Variants in NBAS observed in about 807,000 individuals in gnomAD.
NBAS encodes NBAS subunit of NRZ tethering complex.
In NBAS, 219 loss-of-function variants were observed where a neutral mutation model predicts 302.5. The ratio of observed to expected loss-of-function variants is 0.72; its 90% CI spans 0.65 to 0.81. The LOEUF (loss-of-function observed/expected upper bound fraction) is 0.81, where lower values mean the gene tolerates loss of function less well. NBAS is among the 30% of genes least tolerant of loss of function. The pLI is 0.00. For synonymous variants in NBAS, 1,118 were observed against 1,021.6 expected (o/e 1.09, Z -1.80); for missense variants, 2,932 against 2,841.6 (o/e 1.03, Z -0.72).
chr2:15,040,919 TC>T, the NBAS span, among the ~76,000 whole-genome samples: 4 of 152,194 alleles, frequency 2.6e-5, no homozygotes, highest in Non-Finnish European at 5.9e-5. Context: ...TTTACTTTTT[TC>T]CTCTTTCATC....
intron 8 of NBAS, among the ~76,000 whole-genome samples, chr2:15,535,642 T>C (rs1244025339): frequency 6.6e-6 from 1 of 152,122 alleles, no homozygotes; most frequent in Non-Finnish European, 1.5e-5. Context: ...TTGAATCATC[T>C]CTAGATTCCT....
the NBAS span, among the ~76,000 whole-genome samples, chr2:14,880,949 T>A: frequency 5.9e-4 from 81 of 136,538 alleles, 1 homozygote; most frequent in Admixed American, 3.8e-3. Flanking sequence ...AAAAAAAAAA[T>A]TTATTTACAA....
chr2:15,025,464 A>G, the NBAS span, among the ~76,000 whole-genome samples: 6 of 152,280 alleles, frequency 3.9e-5, no homozygotes, highest in South Asian at 4.1e-4. Flanking sequence ...TTTGTTCCAT[A>G]TGAATTTTAA....
At chr2:15,472,868 C>A (rs1680018619) in intron 16 of NBAS, among the ~76,000 whole-genome samples, 1 of 152,174 alleles carries the variant, frequency 6.6e-6, no homozygotes, top group South Asian at 2.1e-4. Flanking sequence ...AATAATTCTC[C>A]ATATTGTAAA....
At chr2:14,792,848 T>C in the NBAS span, among the ~76,000 whole-genome samples, 1 of 152,196 alleles carries the variant, frequency 6.6e-6, no homozygotes, top group East Asian at 1.9e-4. Context: ...GTTAGAATTA[T>C]CTGACTAGAG....
the NBAS span, among the ~76,000 whole-genome samples, chr2:14,972,186 A>G: frequency 1.2e-3 from 187 of 152,310 alleles, no homozygotes; most frequent in African/African-American, 4.2e-3. Flanking sequence ...CATCCTCAGA[A>G]AACTAACACA....
chr2:15,467,299 A>G, intron 19 of NBAS, 30 bp downstream of exon 19: 15 of 1,463,922 alleles, frequency 1.0e-5, no homozygotes, highest in Non-Finnish European at 1.3e-5. Flanking sequence ...TCAAATGAAC[A>G]TAATTGGTTT....
At chr2:14,797,113 AAC>A in the NBAS span, among the ~76,000 whole-genome samples, 1,140 of 136,990 alleles carry the variant, frequency 8.3e-3, 15 homozygotes, top group African/African-American at 0.03. Flanking sequence ...AAAAAAAAAA[AAC>A]CAAAAACAGA....
chr2:14,787,792 T>C, the NBAS span, among the ~76,000 whole-genome samples: 1 of 152,222 alleles, frequency 6.6e-6, no homozygotes, highest in East Asian at 1.9e-4. Context: ...ATCTGACAAT[T>C]ATGTGTCTTG....
At chr2:15,327,321 C>T (rs1312996102) in intron 38 of NBAS, among the ~76,000 whole-genome samples, 2 of 152,110 alleles carry the variant, frequency 1.3e-5, no homozygotes, top group South Asian at 2.1e-4. Flanking sequence ...AAGCTGTCTT[C>T]GGTAAACTTG....
the NBAS span, among the ~76,000 whole-genome samples, chr2:14,820,837 C>T: frequency 6.6e-6 from 1 of 152,164 alleles, no homozygotes; most frequent in Non-Finnish European, 1.5e-5. Flanking sequence ...CCACTTACAG[C>T]AGTGCTCTGT....
chr2:15,515,864 TG>T (rs1430492088), intron 9 of NBAS, among the ~76,000 whole-genome samples: 13 of 152,070 alleles, frequency 8.5e-5, no homozygotes, highest in Non-Finnish European at 1.6e-4. Flanking sequence ...GGCTGTGAAT[TG>T]AAAGTCCACA....
At position 15,363,948 on chromosome 2, in the gene NBAS, C is replaced by A. The variant is rs1433515985; in HGVS notation, c.3817+2632G>T. 2.0e-5 allele frequency among the ~76,000 whole-genome samples: 3 copies of A among 152,256 alleles called. No individual in the cohort carries two copies. In the East Asian group the frequency reaches 5.8e-4, roughly 29 times the overall value. ...CTCTTTGCTTTCTTGTGAATCAGATCGCTCTAGGAGAAACCAGCTGCCGTG... is the reference window on the plus strand; with the variant it reads ...CTCTTTGCTTTCTTGTGAATCAGATAGCTCTAGGAGAAACCAGCTGCCGTG... On this transcript the variant is annotated intron_variant, in intron 32 of 51. Coordinates refer to ENST00000281513, the MANE Select transcript of NBAS (RefSeq NM_015909.4).
the NBAS span, among the ~76,000 whole-genome samples, chr2:15,077,163 G>T: frequency 6.6e-5 from 10 of 152,184 alleles, no homozygotes; most frequent in Non-Finnish European, 1.3e-4. Context: ...ATGGCGGAAG[G>T]TGAAGAGGAA....
chr2:15,011,313 C>T, the NBAS span, among the ~76,000 whole-genome samples: 21 of 152,114 alleles, frequency 1.4e-4, no homozygotes, highest in Non-Finnish European at 2.6e-4. Flanking sequence ...AAATGCCAGT[C>T]ACTATCCACC....
In NBAS at chr2:15,167,260, T is replaced by C; in HGVS notation, c.6904A>G (p.Lys2302Glu). The C allele has an allele frequency of 6.2e-7, 1 of 1,614,212 alleles. No individual in the cohort carries two copies. The highest frequency in any genetic ancestry group is 8.5e-7 in the Non-Finnish European group (1 of 1,180,030). The change falls in exon 52 of 52, where the codon AAG (lysine) becomes GAG (glutamate). Residue 2302 changes from lysine to glutamate, a missense_variant. Coordinates refer to ENST00000281513, the MANE Select transcript of NBAS (RefSeq NM_015909.4). ...SLLLDAKLLV[K>E]CVSTPFYPRI... Reference sequence around the variant, plus strand: ...GGATAGAAGGGAGTGGAGACACACTTCACCAGCAGCTTGGCATCCAGGAGC... The same window carrying C: ...GGATAGAAGGGAGTGGAGACACACTCCACCAGCAGCTTGGCATCCAGGAGC...
chr2:15,511,131 T>A, intron 10 of NBAS, 81 bp downstream of exon 10: 1 of 1,527,464 alleles, frequency 6.5e-7, no homozygotes, highest in Non-Finnish European at 9.1e-7. Flanking sequence ...CCTCTATATC[T>A]TACAAAGGAC....
At chr2:15,504,235 T>C (rs112259592) in intron 10 of NBAS, 22 bp from the exon 11 acceptor site, 1 of 1,559,442 alleles carries the variant, frequency 6.4e-7, no homozygotes. Flanking sequence ...ATGCATCATA[T>C]GAAGAAAGAT....
At chr2:14,868,464 C>T in the NBAS span, among the ~76,000 whole-genome samples, 2 of 152,246 alleles carry the variant, frequency 1.3e-5, no homozygotes, top group Admixed American at 6.5e-5. Flanking sequence ...AAGGTCTATA[C>T]GAAAGTATAA....
Sources: gnomAD v4.1 joint callset for allele counts (sites outside exome capture counted in the v4.1 genomes callset) on GRCh38, gnomAD v4.1.1 for gene constraint, MANE v1.5 for transcripts, NCBI Gene and HGNC (gene_info 2026-07-23, HGNC 2026-07-21) for gene names.